Variants in FKBP3 observed in about 807,000 individuals in gnomAD.
The protein encoded by FKBP3 is peptidyl-prolyl cis-trans isomerase FKBP3.
FKBP3 carries 21 observed loss-of-function variants against 30.6 expected under a neutral mutation model. The observed-to-expected ratio is 0.69, with a 90% CI of 0.49 to 0.99. FKBP3 has a LOEUF of 0.99. Ranked by LOEUF, FKBP3 falls within the 50% of genes least tolerant of loss-of-function variation. FKBP3 has a pLI of 0.00. For missense variants in FKBP3, 283 were observed against 261.6 expected, an observed-to-expected ratio of 1.08 and a Z score of -0.56; for synonymous variants, 82 against 91.3, an observed-to-expected ratio of 0.90 and a Z score of 0.58.
In FKBP3 at chr14:45,116,025, A is replaced by C. The variant is rs1884824898; in HGVS notation, c.*173T>G. The C allele has an allele frequency of 1.8e-6, 1 of 558,556 alleles. No homozygotes were observed. The highest frequency in any genetic ancestry group is 2.4e-5 in the South Asian group (1 of 42,334). 34.6% of individuals were successfully genotyped at this position (558,556 alleles called of 1,614,324 possible). On this transcript the variant is annotated 3_prime_UTR_variant, in exon 7 of 7. Coordinates refer to ENST00000396062, the MANE Select transcript of FKBP3 (RefSeq NM_002013.4). ...AAGTATTTTAGACCAGGGATTCATA[A>C]GGGATTTATCTCTCAAAAGCTGGGA...
intron 3 of FKBP3, among the ~76,000 whole-genome samples, chr14:45,129,251 T>G (rs542055125): frequency 6.2e-4 from 94 of 152,366 alleles, no homozygotes; most frequent in Middle Eastern, 3.4e-3. Context: ...TCAGCTCTGC[T>G]AAGTCAGTTC....
intron 2 of FKBP3, among the ~76,000 whole-genome samples, chr14:45,130,152 G>C (rs989890818): frequency 6.6e-6 from 1 of 152,124 alleles, no homozygotes; most frequent in African/African-American, 2.4e-5. Flanking sequence ...CATGACCTTA[G>C]AAAGGCCAAC....
At chr14:45,121,163 G>A (rs994135328) in intron 4 of FKBP3, among the ~76,000 whole-genome samples, 16 of 152,130 alleles carry the variant, frequency 1.1e-4, no homozygotes, top group African/African-American at 2.7e-4. Context: ...TTAACAAAGG[G>A]TAGAGGGGTA....
chr14:45,123,464 C>CCTGT (rs1885029289), intron 3 of FKBP3, among the ~76,000 whole-genome samples: 1 of 151,754 alleles, frequency 6.6e-6, no homozygotes, highest in Non-Finnish European at 1.5e-5. Context: ...AGATAGGACC[C>CCTGT]CTGTCTCTGT....
At position 45,118,171 on chromosome 14, in the gene FKBP3, C is replaced by T. The variant is rs369815243; in HGVS notation, c.523-46G>A. On this transcript the variant is annotated intron_variant, in intron 5 of 6. Transcript: ENST00000396062. ...AAAACTAATGGTATTTTGCAAAAAGCACATGCAATACCAGGACAGTCAAGA... is the reference window on the plus strand; with the variant it reads ...AAAACTAATGGTATTTTGCAAAAAGTACATGCAATACCAGGACAGTCAAGA... 22 of 1,141,450 alleles carry T rather than the reference C, an allele frequency of 1.9e-5. No individual in the cohort carries two copies. The African/African-American group carries it at 3.4e-4, about 18-fold the overall frequency. 70.7% of individuals were successfully genotyped at this position (1,141,450 alleles called of 1,614,324 possible).
At position 45,134,356 on chromosome 14, in the gene FKBP3, G is replaced by C. The variant is rs1252892316; in HGVS notation, c.101C>G (p.Ser34Ter). 1.2e-6 allele frequency: 2 copies of C among 1,613,360 alleles called. No homozygotes were observed. Among genetic ancestry groups the C allele is most frequent in the South Asian group, 1.1e-5 (1 of 91,054 alleles). ...CCCCTACGCCTCTGGTACCGAATCT[G>C]AACCGTGTTCCTGCAGAAACTTGAT... ...DIIKFLQEHG[S>*]DSFLAEHKLL... The change falls in exon 1 of 7, where the codon TCA (serine) becomes TGA (stop). Residue 34 changes from serine (S) to a stop codon, truncating the protein, a stop_gained. Coordinates refer to ENST00000396062, the MANE Select transcript of FKBP3 (RefSeq NM_002013.4). LOFTEE classifies it high-confidence loss of function.
At chr14:45,120,839 G>T in intron 5 of FKBP3, 48 bp downstream of exon 5, 1 of 1,427,488 alleles carries the variant, frequency 7.0e-7, no homozygotes, top group Non-Finnish European at 9.9e-7. Context: ...CATACCAGAA[G>T]CAGCATATGC....
At chr14:45,122,715 G>C (rs1387840978) in intron 3 of FKBP3, among the ~76,000 whole-genome samples, 1 of 151,898 alleles carries the variant, frequency 6.6e-6, no homozygotes, top group African/African-American at 2.4e-5. Flanking sequence ...ATGTTGGCCA[G>C]GATGGTCTCG....
chr14:45,117,656 T>C (rs1415561697), intron 6 of FKBP3, among the ~76,000 whole-genome samples: 1 of 152,198 alleles, frequency 6.6e-6, no homozygotes. Context: ...AATTATACTG[T>C]ACCATAAAAT....
At chr14:45,121,361 A>G (rs1884980485) in intron 4 of FKBP3, 124 bp downstream of exon 4, 1 of 736,584 alleles carries the variant, frequency 1.4e-6, no homozygotes, top group Non-Finnish European at 2.2e-6. Flanking sequence ...ATCTTGGGGG[A>G]AAGTATGTCT....
chr14:45,119,631 A>C (rs1374840075), intron 5 of FKBP3, among the ~76,000 whole-genome samples: 5 of 152,132 alleles, frequency 3.3e-5, no homozygotes, highest in African/African-American at 1.2e-4. Context: ...TTACAGAAAT[A>C]GAAAAATGGC....
intron 6 of FKBP3, among the ~76,000 whole-genome samples, chr14:45,116,937 C>T (rs1192232451): frequency 1.3e-5 from 2 of 152,030 alleles, no homozygotes; most frequent in Non-Finnish European, 2.9e-5. Flanking sequence ...GATGCTTCTT[C>T]ACATGGGAGA....
At chr14:45,134,209 G>T in intron 1 of FKBP3, 140 bp downstream of exon 1, 1 of 692,964 alleles carries the variant, frequency 1.4e-6, no homozygotes, top group Non-Finnish European at 2.5e-6. Context: ...AGCACAAGCT[G>T]GGCCTCTCCG....
intron 1 of FKBP3, among the ~76,000 whole-genome samples, chr14:45,132,188 C>G (rs1009972361): frequency 2.6e-5 from 4 of 151,964 alleles, no homozygotes; most frequent in Admixed American, 2.6e-4. Flanking sequence ...CTTTTTCTTT[C>G]AAAGATATGT....
Position 45,118,052 on chromosome 14 carries a change from C to A in FKBP3, c.596G>T (p.Gly199Val), listed in dbSNP as rs1445489967. Residue 199 changes from glycine (G) to valine (V), a missense_variant, in exon 6 of 7, where the codon GGA becomes GTA. Physicochemically the swap from Gly to Val is moderately radical, Grantham distance 109 (BLOSUM62 -3). Transcript: ENST00000396062. ...CTTGGCATCAGGCTGTCCTTTCTTT[C>A]CGTAAGCCCATTCTGGTTCAATCTC... ...RLEIEPEWAY[G>V]KKGQPDAKIP... The A allele has an allele frequency of 1.9e-6, 3 of 1,595,556 alleles. No individual in the cohort carries two copies. In the South Asian group the frequency reaches 3.4e-5, roughly 18 times the overall value.
intron 3 of FKBP3, among the ~76,000 whole-genome samples, chr14:45,127,113 G>GTTTTTTTTTTT (rs1699813615): frequency 9.1e-6 from 1 of 110,138 alleles, no homozygotes; most frequent in African/African-American, 5.1e-5. Context: ...GACTGACCCT[G>GTTTTTTTTTTT]TCTTTTTTTT....
intron 3 of FKBP3, among the ~76,000 whole-genome samples, chr14:45,124,257 G>A (rs962620054): frequency 6.6e-6 from 1 of 152,060 alleles, no homozygotes; most frequent in Admixed American, 6.6e-5. Flanking sequence ...TCAGCTGGGC[G>A]CAGTTACTCA....
At chr14:45,126,454 T>C (rs747367266) in intron 3 of FKBP3, among the ~76,000 whole-genome samples, 12 of 151,676 alleles carry the variant, frequency 7.9e-5, no homozygotes, top group Non-Finnish European at 1.6e-4. Context: ...CACCACTGCA[T>C]TCCAGCCTAG....
intron 3 of FKBP3, among the ~76,000 whole-genome samples, chr14:45,127,824 G>GT (rs1885133873): frequency 6.6e-6 from 1 of 152,094 alleles, no homozygotes; most frequent in African/African-American, 2.4e-5. Flanking sequence ...AATGAACAAC[G>GT]TTTTTAACAT....
Sources: gnomAD v4.1 joint callset for allele counts (sites outside exome capture counted in the v4.1 genomes callset) on GRCh38, gnomAD v4.1.1 for gene constraint, MANE v1.5 for transcripts, NCBI Gene and HGNC (gene_info 2026-07-23, HGNC 2026-07-21) for gene names.